ZNF414: variants seen among roughly 807,000 people sequenced by gnomAD.
The protein encoded by ZNF414 is zinc finger protein 414.
ZNF414 carries 32 observed loss-of-function variants against 38.3 expected under a neutral mutation model. The observed-to-expected ratio is 0.83, with a 90% confidence interval of 0.63 to 1.12. ZNF414 has a LOEUF of 1.12. Among genes scored for constraint, ZNF414 ranks in the 50% most tolerant of loss-of-function variants. The pLI is 0.00. For synonymous variants in ZNF414, 256 were observed against 248.0 expected (o/e 1.03, Z -0.30); for missense variants, 589 against 557.4 (o/e 1.06, Z -0.57).
intron 4 of ZNF414, 81 bp from the exon 5 acceptor site, chr19:8,512,041 T>G: frequency 7.2e-7 from 1 of 1,390,984 alleles, no homozygotes. Context: ...CACCCGCCCT[T>G]CGAGCGTGGG....
rs1375712677 is a variant in ZNF414, at chr19:8,514,152, C to T, written c.-106G>A. On this transcript the variant is annotated 5_prime_UTR_variant, in exon 1 of 8. Transcript: ENST00000393927. Reference sequence around the variant, plus strand: ...TTCGCGCTCACGTCAGCGCCATTTTCCACCTCTCAGCTCTCGCGAGACTGG... The same window carrying T: ...TTCGCGCTCACGTCAGCGCCATTTTTCACCTCTCAGCTCTCGCGAGACTGG... 1 of 1,331,676 alleles carries T rather than the reference C, an allele frequency of 7.5e-7. No homozygotes were observed. Among genetic ancestry groups the T allele is most frequent in the Non-Finnish European group, 9.7e-7 (1 of 1,031,494 alleles). 82.5% of individuals were successfully genotyped at this position (1,331,676 alleles called of 1,614,324 possible). A position where few individuals can be genotyped will look rare whatever the true frequency, so the allele number is the denominator to read the frequency against.
Position 8,512,288 on chromosome 19 carries a change from C to A in ZNF414, c.530+99G>T, listed in dbSNP as rs893573643. The stretch of plus-strand genomic sequence containing the variant: ...CCCCAAAGGCCCACCCACATCAAGT[C>A]CCGCCCTCCAACACCCTGACCAGGA... On this transcript the variant is annotated intron_variant, in intron 4 of 7. Coordinates refer to ENST00000393927, the MANE Select transcript of ZNF414 (RefSeq NM_001146175.2). 5.3e-6 allele frequency: 8 copies of A among 1,519,786 alleles called. No homozygotes were observed. The East Asian group carries it at 1.8e-4, about 35-fold the overall frequency. 94.1% of individuals were successfully genotyped at this position (1,519,786 alleles called of 1,614,324 possible).
At chr19:8,512,109 T>C in intron 4 of ZNF414, 149 bp from the exon 5 acceptor site, 1 of 1,424,356 alleles carries the variant, frequency 7.0e-7, no homozygotes, top group Non-Finnish European at 9.1e-7. Flanking sequence ...CAGCGACCCT[T>C]CCTGACCACT....
intron 5 of ZNF414, 21 bp from the exon 6 acceptor site, chr19:8,511,557 A>T: frequency 3.2e-6 from 5 of 1,584,024 alleles, no homozygotes; most frequent in Non-Finnish European, 4.3e-6. Context: ...GGGGCGGGTC[A>T]AGTTCAGAGT....
Position 8,510,779 on chromosome 19 carries a change from G to T in ZNF414, c.1100-15C>A, listed in dbSNP as rs369578071. The stretch of plus-strand genomic sequence containing the variant: ...CGGGGCCGGATCTGGGTGGGGCAGA[G>T]GAGGGGGGCGCCTGAGCCTCAGCGC... On this transcript the variant is annotated splice_polypyrimidine_tract_variant and intron_variant, in intron 7 of 7. Coordinates refer to ENST00000393927, the MANE Select transcript of ZNF414 (RefSeq NM_001146175.2). The T allele has an allele frequency of 9.0e-4, 1,379 of 1,538,934 alleles. 18 individuals are homozygous for T. The African/African-American group carries it at 0.017, about 19-fold the overall frequency.
At chr19:8,510,817 C>T (rs1330078689) in intron 7 of ZNF414, 34 bp downstream of exon 7, 3 of 1,478,874 alleles carry the variant, frequency 2.0e-6, no homozygotes, top group African/African-American at 1.4e-5. Context: ...TGGGCCCCCG[C>T]CCCCCTCTCC....
At position 8,512,391 on chromosome 19, in the gene ZNF414, A is replaced by C; in HGVS notation, c.526T>G (p.Phe176Val). 1 of 1,614,072 alleles carries C rather than the reference A, an allele frequency of 6.2e-7. No individual in the cohort carries two copies. The highest frequency in any genetic ancestry group is 8.5e-7 in the Non-Finnish European group (1 of 1,179,984). The part of the protein sequence containing the change: ...SKLHYKPNRY[F>V]KCENCLLRFR... Reference sequence around the variant, plus strand: ...CTCAAGAGGTCAGGGTCTCACTTGAAGTAGCGATTGGGTTTGTAGTGCAGT... The same window carrying C: ...CTCAAGAGGTCAGGGTCTCACTTGACGTAGCGATTGGGTTTGTAGTGCAGT... Residue 176 changes from phenylalanine (F) to valine (V), a missense_variant, in exon 4 of 8, where the codon TTC becomes GTC. Physicochemically the swap from Phe to Val is conservative, Grantham distance 50. Transcript: ENST00000393927.
At chr19:8,512,071 T>C in intron 4 of ZNF414, 111 bp from the exon 5 acceptor site, 1 of 1,400,740 alleles carries the variant, frequency 7.1e-7, no homozygotes, top group Non-Finnish European at 9.2e-7. Flanking sequence ...TGGGCACTAA[T>C]CACCTCCCCG....
rs866719395 is a variant in ZNF414 at position 8,511,659 on chromosome 19, C to G, written c.832G>C (p.Gly278Arg). The change falls in exon 5 of 8, where the codon GGG (glycine) becomes CGG (arginine). Residue 278 changes from glycine (G) to arginine (R), a missense_variant. Coordinates refer to ENST00000393927, the MANE Select transcript of ZNF414 (RefSeq NM_001146175.2). The stretch of plus-strand genomic sequence containing the variant: ...ACGGCGGCGCTGGAAGCCGGCGGCC[C>G]GGGTGCAGCGGCCAGGAAGGGGCGC... ...RLRPFLAAAP[G>R]PPASSAAVWK... is the part of the protein sequence containing the mutation. 6.7e-7 allele frequency: 1 copy of G among 1,500,136 alleles called. No individual in the cohort carries two copies. Among genetic ancestry groups the G allele is most frequent in the South Asian group, 1.3e-5 (1 of 75,280 alleles). The allele number at this position is 1,500,136 out of a possible 1,614,324, so 92.9% of individuals were successfully genotyped here.
At chr19:8,512,313 AAGGG>A in intron 4 of ZNF414, 70 bp downstream of exon 4, 1 of 1,565,280 alleles carries the variant, frequency 6.4e-7, no homozygotes, top group Non-Finnish European at 8.8e-7. Context: ...CCTGACCAGG[AAGGG>A]AGGAAGGCCT....
chr19:8,513,241 G>A lies in ZNF414; in HGVS notation c.104C>T (p.Ala35Val). The A allele has an allele frequency of 6.3e-7, 1 of 1,589,192 alleles. No individual in the cohort carries two copies. The highest frequency in any genetic ancestry group is 1.1e-5 in the South Asian group (1 of 89,100). Reference sequence around the variant, plus strand: ...CTCCGACATGGAGGAGGAAGGGGCTGCAGCTGGCACAGCCGGGGACAACAC... The same window carrying A: ...CTCCGACATGGAGGAGGAAGGGGCTACAGCTGGCACAGCCGGGGACAACAC... Reference protein sequence around the residue: ...KEVLSPAVPAAAPSSSMSEEP... With the variant: ...KEVLSPAVPAVAPSSSMSEEP... The change falls in exon 2 of 8, where the codon GCA (alanine) becomes GTA (valine). Residue 35 changes from alanine (A) to valine (V), a missense_variant. Ala to Val is a moderately conservative substitution (Grantham distance 64). Coordinates refer to ENST00000393927, the MANE Select transcript of ZNF414 (RefSeq NM_001146175.2).
chr19:8,510,607 T>C lies in ZNF414; in HGVS notation c.*84A>G, dbSNP rs975716663. On this transcript the variant is annotated 3_prime_UTR_variant, in exon 8 of 8. Transcript: ENST00000393927. ...CTGGCTCATGGCGCCTTCTTTATTG[T>C]CCACCCCAGCCCCCCTTCCCTGCAG... 4 of 1,428,712 alleles carry C rather than the reference T, an allele frequency of 2.8e-6. No homozygotes were observed. The highest frequency in any genetic ancestry group is 1.4e-5 in the African/African-American group (1 of 69,808). The allele number at this position is 1,428,712 out of a possible 1,614,324, so 88.5% of individuals were successfully genotyped here.
chr19:8,512,116 C>G (rs765825444), intron 4 of ZNF414, 156 bp from the exon 5 acceptor site: 1 of 1,420,336 alleles, frequency 7.0e-7, no homozygotes, highest in Non-Finnish European at 9.2e-7. Context: ...CCTTCCTGAC[C>G]ACTTCGGGTG....
intron 6 of ZNF414, 162 bp downstream of exon 6, chr19:8,511,324 G>A: frequency 1.5e-5 from 22 of 1,444,912 alleles, no homozygotes; most frequent in African/African-American, 2.9e-5. Flanking sequence ...TGAAGGCGCA[G>A]GTGCCAGTCA....
chr19:8,512,941 A>G, intron 2 of ZNF414, 88 bp downstream of exon 2: 7 of 1,395,428 alleles, frequency 5.0e-6, no homozygotes, highest in Non-Finnish European at 6.6e-6. Context: ...GCATCCCTCT[A>G]GAAAGGCCCT....
In ZNF414 at chr19:8,512,454, T is replaced by C; in HGVS notation, c.463A>G (p.Thr155Ala). 1.2e-6 allele frequency: 2 copies of C among 1,614,042 alleles called. No individual in the cohort carries two copies. Among genetic ancestry groups the C allele is most frequent in the Non-Finnish European group, 1.7e-6 (2 of 1,180,006 alleles). Residue 155 changes from threonine to alanine, a missense_variant, in exon 4 of 8, where the codon ACC becomes GCC. Thr to Ala is a moderately conservative substitution (Grantham distance 58, BLOSUM62 0). Transcript: ENST00000393927. ...ACCAGCTCCTGCATGCTGGGGAAGGTCTCGGTGCAGCTCAGGGCTGAGCAG... is the reference window on the plus strand; with the variant it reads ...ACCAGCTCCTGCATGCTGGGGAAGGCCTCGGTGCAGCTCAGGGCTGAGCAG... Reference protein sequence around the residue: ...FRCSALSCTETFPSMQELVAH... With the variant: ...FRCSALSCTEAFPSMQELVAH...
At position 8,512,691 on chromosome 19, in the gene ZNF414, T is replaced by C; in HGVS notation, c.337A>G (p.Ser113Gly). The change falls in exon 3 of 8, where the codon AGC (serine) becomes GGC (glycine). Residue 113 changes from serine (S) to glycine (G), a missense_variant. Physicochemically the swap from Ser to Gly is moderately conservative, Grantham distance 56. Transcript: ENST00000393927. ...PPPGKQIPCS[S>G]PGCCLSFPSV... Reference sequence around the variant, plus strand: ...GGAAAACTGAGGCAGCAGCCAGGGCTGGAGCAAGGGATTTGCTTCCCTGCA... The same window carrying C: ...GGAAAACTGAGGCAGCAGCCAGGGCCGGAGCAAGGGATTTGCTTCCCTGCA... The C allele has an allele frequency of 6.4e-7, 1 of 1,556,862 alleles. No individual in the cohort carries two copies. The highest frequency in any genetic ancestry group is 8.7e-7 in the Non-Finnish European group (1 of 1,152,914).
Position 8,511,799 on chromosome 19 carries a change from G to T in ZNF414, c.692C>A (p.Ala231Glu). ...ERPPEVDPAS[A>E]PGLPFPLLEP... ...CAGCAGCGGGAACGGCAGGCCCGGC[G>T]CTGATGCGGGGTCAACCTCCGGGGG... The change falls in exon 5 of 8, where the codon GCG becomes GAG. Residue 231 changes from alanine (A) to glutamate (E), a missense_variant. Transcript: ENST00000393927. 7.1e-7 allele frequency: 1 copy of T among 1,409,298 alleles called. No individual in the cohort carries two copies. Among genetic ancestry groups the T allele is most frequent in the Non-Finnish European group, 9.2e-7 (1 of 1,090,680 alleles). The allele number at this position is 1,409,298 out of a possible 1,614,324, so 87.3% of individuals were successfully genotyped here.
chr19:8,510,976 T>C lies in ZNF414; in HGVS notation c.974A>G (p.Tyr325Cys). The change falls in exon 7 of 8, where the codon TAC (tyrosine) becomes TGC (cysteine). Residue 325 changes from tyrosine (Y) to cysteine (C), a missense_variant. Tyr to Cys is a radical substitution (Grantham distance 194). Coordinates refer to ENST00000393927, the MANE Select transcript of ZNF414 (RefSeq NM_001146175.2). ...RIVWEHTRGR[Y>C]SCMQCAFSTA... ...GGAGAAGGCGCACTGCATGCACGAG[T>C]AGCGGCCGCGTGTGTGCTCCCACAC... The C allele has an allele frequency of 7.9e-7, 1 of 1,266,708 alleles. No individual in the cohort carries two copies. Among genetic ancestry groups the C allele is most frequent in the Non-Finnish European group, 9.9e-7 (1 of 1,005,498 alleles). The allele number at this position is 1,266,708 out of a possible 1,614,324, so 78.5% of individuals were successfully genotyped here.
Sources: allele counts gnomAD v4.1 joint callset, GRCh38; gene constraint gnomAD v4.1.1; transcripts MANE v1.5; gene names NCBI Gene and HGNC (gene_info 2026-07-23, HGNC 2026-07-21).